NETO2: variants seen among roughly 807,000 people sequenced by gnomAD.
The protein encoded by NETO2 is neuropilin and tolloid like 2.
In NETO2, 28 loss-of-function variants were observed where a neutral mutation model predicts 62.5. The observed-to-expected ratio is 0.45, with a 90% confidence interval of 0.33 to 0.61. The LOEUF is 0.61. NETO2 is among the 20% of genes least tolerant of loss of function. NETO2 has a pLI of 0.02. For synonymous variants in NETO2, 214 were observed against 219.1 expected (o/e 0.98, Z 0.21); for missense variants, 548 against 643.2 (o/e 0.85, Z 1.60).
intron 6 of NETO2, among the ~76,000 whole-genome samples, chr16:47,118,298 C>T (rs1963963614): frequency 6.6e-6 from 1 of 152,152 alleles, no homozygotes; most frequent in African/African-American, 2.4e-5. Context: ...TATACTGTAA[C>T]ATGGTTCCCA....
intron 6 of NETO2, among the ~76,000 whole-genome samples, chr16:47,117,112 TC>T (rs1963939513): frequency 6.6e-6 from 1 of 152,158 alleles, no homozygotes; most frequent in Non-Finnish European, 1.5e-5. Context: ...GGTGATAAAT[TC>T]TCTTAGTTTT....
At chr16:47,088,625 G>C (rs1006198063) in intron 7 of NETO2, among the ~76,000 whole-genome samples, 7 of 151,710 alleles carry the variant, frequency 4.6e-5, no homozygotes, top group Non-Finnish European at 8.8e-5. Context: ...TGACTAATGA[G>C]ATTTTTTTCT....
intron 1 of NETO2, among the ~76,000 whole-genome samples, chr16:47,132,240 A>G (rs757682612): frequency 6.6e-6 from 1 of 152,038 alleles, no homozygotes; most frequent in Non-Finnish European, 1.5e-5. Flanking sequence ...TTTTGTACTC[A>G]TTTATAAGCA....
At chr16:47,142,401 G>A (rs1320051224) in intron 1 of NETO2, among the ~76,000 whole-genome samples, 1 of 152,138 alleles carries the variant, frequency 6.6e-6, no homozygotes, top group African/African-American at 2.4e-5. Flanking sequence ...GTGGAGAGTA[G>A]ACAATGTGTC....
At chr16:47,100,769 T>C (rs1229341979) in intron 7 of NETO2, among the ~76,000 whole-genome samples, 1 of 152,182 alleles carries the variant, frequency 6.6e-6, no homozygotes, top group Non-Finnish European at 1.5e-5. Context: ...GTTGAATCCC[T>C]GAGTAGACCG....
In NETO2 at chr16:47,130,469, T is replaced by A. The variant is rs11860720; in HGVS notation, c.92-1105A>T. 3.5e-3 allele frequency among the ~76,000 whole-genome samples: 534 copies of A among 150,842 alleles called. 3 individuals carry two copies. The highest frequency in any genetic ancestry group is 0.012 in the African/African-American group (508 of 41,274). On this transcript the variant is annotated intron_variant, in intron 2 of 8. Transcript: ENST00000562435. ...ATAAATAAATAAATAATAATAATAA[T>A]AAAACTGGAGAAAAGCAACTCTGAG...
chr16:47,139,014 A>G (rs1964413379), intron 1 of NETO2, among the ~76,000 whole-genome samples: 1 of 151,720 alleles, frequency 6.6e-6, no homozygotes, highest in Admixed American at 6.6e-5. Context: ...TAAGCGCTAC[A>G]TTTTCTCCTT....
chr16:47,130,582 A>G (rs1391419739), intron 2 of NETO2, among the ~76,000 whole-genome samples: 1 of 152,094 alleles, frequency 6.6e-6, no homozygotes, highest in Non-Finnish European at 1.5e-5. Flanking sequence ...AAGCAAGTAA[A>G]TCTATAAGAC....
Position 47,083,416 on chromosome 16 carries a change from G to A in NETO2, c.1383C>T (p.Phe461=), listed in dbSNP as rs773643422. ...RTNLSSMELP[F]RNDFAQPQPM... is the part of the protein sequence containing the mutation. Reference sequence around the variant, plus strand: ...GCTGTGGTTGTGCAAAGTCATTTCGGAAAGGAAGTTCCATGGAACTGAGGT... The same window carrying A: ...GCTGTGGTTGTGCAAAGTCATTTCGAAAAGGAAGTTCCATGGAACTGAGGT... Residue 461 remains phenylalanine (F), a synonymous_variant, in exon 9 of 9, where the codon TTC becomes TTT. Coordinates refer to ENST00000562435, the MANE Select transcript of NETO2 (RefSeq NM_018092.5). 6 of 1,614,104 alleles carry A rather than the reference G, an allele frequency of 3.7e-6. No homozygotes were observed. The Admixed American group carries it at 8.3e-5, about 22-fold the overall frequency.
At chr16:47,097,945 A>T (rs1044128392) in intron 7 of NETO2, among the ~76,000 whole-genome samples, 10 of 152,220 alleles carry the variant, frequency 6.6e-5, no homozygotes, top group Non-Finnish European at 1.2e-4. Flanking sequence ...TGACTGTTAG[A>T]AGGAAAACTA....
chr16:47,117,270 C>A (rs868185907), intron 6 of NETO2, among the ~76,000 whole-genome samples: 2 of 152,314 alleles, frequency 1.3e-5, no homozygotes, highest in South Asian at 2.1e-4. Context: ...CAAGATGCAT[C>A]ATTTTTCTCT....
chr16:47,100,431 T>C (rs1401892844), intron 7 of NETO2, among the ~76,000 whole-genome samples: 2 of 151,620 alleles, frequency 1.3e-5, no homozygotes, highest in African/African-American at 2.4e-5. Flanking sequence ...ATTCAAAAGT[T>C]AGCAGAAGAC....
chr16:47,088,338 T>G (rs1347709267), intron 7 of NETO2, among the ~76,000 whole-genome samples: 1 of 152,186 alleles, frequency 6.6e-6, no homozygotes, highest in East Asian at 1.9e-4. Flanking sequence ...ACTCCTGACC[T>G]TAAGTGATCT....
chr16:47,101,805 A>AT (rs1246255592), intron 7 of NETO2, among the ~76,000 whole-genome samples: 7 of 152,240 alleles, frequency 4.6e-5, no homozygotes, highest in African/African-American at 1.4e-4. Flanking sequence ...ATGTAAAAAC[A>AT]TTCCATGCTC....
chr16:47,101,439 A>G (rs2143861095), intron 7 of NETO2, among the ~76,000 whole-genome samples: 1 of 152,340 alleles, frequency 6.6e-6, no homozygotes, highest in East Asian at 1.9e-4. Flanking sequence ...GGCCAGGGCA[A>G]TTAGGCAAGA....
At position 47,117,175 on chromosome 16, in the gene NETO2, G is replaced by A. The variant is rs537524019; in HGVS notation, c.654+5482C>T. Among the ~76,000 whole-genome samples the A allele has an allele frequency of 2.0e-5, 3 of 152,174 alleles. No individual in the cohort carries two copies. The East Asian group carries it at 5.8e-4, about 29-fold the overall frequency. ...ACAGTTCCCCTTACTGCCTATCCCAGCTTGTGAAGATTCTGATCCACTACC... is the reference window on the plus strand; with the variant it reads ...ACAGTTCCCCTTACTGCCTATCCCAACTTGTGAAGATTCTGATCCACTACC... On this transcript the variant is annotated intron_variant, in intron 6 of 8. Coordinates refer to ENST00000562435, the MANE Select transcript of NETO2 (RefSeq NM_018092.5).
intron 6 of NETO2, among the ~76,000 whole-genome samples, chr16:47,110,738 A>T (rs549635437): frequency 6.6e-6 from 1 of 152,270 alleles, no homozygotes; most frequent in South Asian, 2.1e-4. Context: ...TTTCTGAGGG[A>T]GCAGTATGCC....
intron 7 of NETO2, among the ~76,000 whole-genome samples, chr16:47,092,191 G>A (rs1223258013): frequency 3.3e-5 from 5 of 152,076 alleles, no homozygotes; most frequent in African/African-American, 9.7e-5. Flanking sequence ...TACTCAGAAT[G>A]CCCCTCATGG....
intron 7 of NETO2, among the ~76,000 whole-genome samples, chr16:47,086,960 AGAAAT>A (rs928022392): frequency 1.2e-4 from 18 of 152,226 alleles, no homozygotes; most frequent in African/African-American, 4.3e-4. Context: ...GGTCATAAAA[AGAAAT>A]GAAATTATGA....
Sources: allele counts gnomAD v4.1 joint callset (sites outside exome capture counted in the v4.1 genomes callset), GRCh38; gene constraint gnomAD v4.1.1; transcripts MANE v1.5; gene names NCBI Gene and HGNC (gene_info 2026-07-23, HGNC 2026-07-21).